Variants in ORM2 observed in about 807,000 individuals in gnomAD.
The protein encoded by ORM2 is orosomucoid 2.
ORM2 carries 19 observed loss-of-function variants against 26.8 expected under a neutral mutation model. That is an observed-to-expected ratio of 0.71 (90% CI 0.49 to 1.04). The LOEUF (loss-of-function observed/expected upper bound fraction) is 1.04. Among genes scored for constraint, ORM2 ranks in the 50% least tolerant of loss-of-function variants. The pLI is 0.00. For synonymous variants in ORM2, 94 were observed against 100.0 expected (o/e 0.94, Z 0.36); for missense variants, 259 against 244.9 (o/e 1.06, Z -0.39).
At position 114,329,910 on chromosome 9, in the gene ORM2, G is replaced by A. The variant is rs372635866; in HGVS notation, c.6G>A (p.Ala2=). 98 of 1,386,230 alleles carry A rather than the reference G, an allele frequency of 7.1e-5. 1 individual carries two copies. The highest frequency in any genetic ancestry group is 3.7e-4 in the East Asian group (15 of 41,054). The allele number at this position is 1,386,230 out of a possible 1,614,324, so 85.9% of individuals were successfully genotyped here. The change falls in exon 1 of 6, where the codon GCG becomes GCA. Residue 2 remains alanine, a synonymous_variant. Coordinates refer to ENST00000431067, the MANE Select transcript of ORM2 (RefSeq NM_000608.4). The stretch of plus-strand genomic sequence containing the variant: ...ACGTGCCTCCTGGTCTCAGTATGGC[G>A]CTGTCCTGGGTTCTTACAGTCCTGA... The part of the protein sequence containing the change: M[A]LSWVLTVLSL...
In ORM2 at chr9:114,331,582, A is replaced by T; in HGVS notation, c.344A>T (p.His115Leu). ...TVSRYEGGREHVAHLLFLRDT... is the reference protein window; with the variant it reads ...TVSRYEGGRELVAHLLFLRDT... ...TCTCTTCCAGAGGGAGGCCGAGAACATGTTGCTCACCTGCTGTTCCTTAGG... is the reference window on the plus strand; with the variant it reads ...TCTCTTCCAGAGGGAGGCCGAGAACTTGTTGCTCACCTGCTGTTCCTTAGG... The change falls in exon 4 of 6, where the codon CAT becomes CTT. Residue 115 changes from histidine (H) to leucine (L), a missense_variant. This residue lies in a region of ORM2 where 251 missense variants were observed against 220.5 expected (regional missense o/e 1.14). Transcript: ENST00000431067. 1.9e-6 allele frequency: 3 copies of T among 1,613,850 alleles called. No individual in the cohort carries two copies. The highest frequency in any genetic ancestry group is 1.7e-6 in the Non-Finnish European group (2 of 1,179,910).
In ORM2 at chr9:114,332,039, C is replaced by G. The variant is rs1035641403; in HGVS notation, c.540+110C>G. 93 of 876,108 alleles carry G rather than the reference C, an allele frequency of 1.1e-4. 1 individual carries two copies. In the Admixed American group the frequency reaches 2.1e-3, roughly 20 times the overall value. The allele number at this position is 876,108 out of a possible 1,614,324, so 54.3% of individuals were successfully genotyped here. A position where few individuals can be genotyped will look rare whatever the true frequency, so the allele number is the denominator to read the frequency against. ...GGCAAGGCTGCACAGCTAGGCAGAT[C>G]TTCTGCTTTTAGGCACCTGCCTCAC... is the stretch of plus-strand genomic sequence containing the variant. On this transcript the variant is annotated intron_variant, in intron 5 of 5. Coordinates refer to ENST00000431067, the MANE Select transcript of ORM2 (RefSeq NM_000608.4).
rs1296922172 is a variant in ORM2 at position 114,331,608 on chromosome 9, G to A, written c.370G>A (p.Asp124Asn). The A allele has an allele frequency of 1.2e-6, 2 of 1,613,872 alleles. No homozygotes were observed. The highest frequency in any genetic ancestry group is 2.2e-5 in the East Asian group (1 of 44,882). The change falls in exon 4 of 6, where the codon GAC becomes AAC. Residue 124 changes from aspartate to asparagine, a missense_variant. Coordinates refer to ENST00000431067, the MANE Select transcript of ORM2 (RefSeq NM_000608.4). ...EHVAHLLFLR[D>N]TKTLMFGSYL... is the part of the protein sequence containing the mutation. ...TGTTGCTCACCTGCTGTTCCTTAGG[G>A]ACACCAAGACCTTGATGTTTGGTTC... is the stretch of plus-strand genomic sequence containing the variant.
In ORM2 at chr9:114,331,867, T is replaced by G; in HGVS notation, c.478T>G (p.Tyr160Asp). 1.2e-6 allele frequency: 2 copies of G among 1,613,856 alleles called. No individual in the cohort carries two copies. The change falls in exon 5 of 6, where the codon TAC becomes GAC. Residue 160 changes from tyrosine to aspartate, a missense_variant. By Grantham distance (160) the Tyr-to-Asp change is radical (BLOSUM62 -3). Coordinates refer to ENST00000431067, the MANE Select transcript of ORM2 (RefSeq NM_000608.4). Reference sequence around the variant, plus strand: ...GACCAAGGAGCAACTGGGAGAGTTCTACGAAGCTCTCGACTGCTTGTGCAT... The same window carrying G: ...GACCAAGGAGCAACTGGGAGAGTTCGACGAAGCTCTCGACTGCTTGTGCAT... ...ETTKEQLGEF[Y>D]EALDCLCIPR... is the part of the protein sequence containing the mutation.
Position 114,330,844 on chromosome 9 carries a change from G to T in ORM2, c.310G>T (p.Gly104Trp). 6.2e-7 allele frequency: 1 copy of T among 1,613,932 alleles called. No individual in the cohort carries two copies. The highest frequency in any genetic ancestry group is 8.5e-7 in the Non-Finnish European group (1 of 1,179,944). ...TTACCTGAATGTCCAGCGGGAGAAT[G>T]GGACCGTCTCCAGATACGGTGAGGG... Reference protein sequence around the residue: ...SSYLNVQRENGTVSRYEGGRE... With the variant: ...SSYLNVQRENWTVSRYEGGRE... Residue 104 changes from glycine to tryptophan, a missense_variant, in exon 3 of 6, where the codon GGG becomes TGG. Around this residue, in one of 2 missense-constraint regions of ORM2, gnomAD observed 251 missense variants for 220.5 expected, o/e 1.14. Coordinates refer to ENST00000431067, the MANE Select transcript of ORM2 (RefSeq NM_000608.4).
chr9:114,330,762 GT>G, intron 2 of ORM2, 29 bp from the exon 3 acceptor site: 1 of 1,611,430 alleles, frequency 6.2e-7, no homozygotes, highest in Non-Finnish European at 8.5e-7. Context: ...TAACATTACT[GT>G]TTTTCTTCCG....
At position 114,331,623 on chromosome 9, in the gene ORM2, ATGTT is replaced by A. The variant is rs757628557; in HGVS notation, c.388_391del (p.Phe130ValfsTer?). 1.2e-6 allele frequency: 2 copies of A among 1,613,948 alleles called. No homozygotes were observed. The highest frequency in any genetic ancestry group is 2.2e-5 in the South Asian group (2 of 91,066). On this transcript the variant is annotated frameshift_variant, in exon 4 of 6. Transcript: ENST00000431067. LOFTEE classifies it high-confidence loss of function. ...GTTCCTTAGGGACACCAAGACCTTG[ATGTT>A]TGGTTCCTACCTGGACGATGAGAAG...
At chr9:114,330,731 C>T (rs1385668243) in intron 2 of ORM2, 61 bp from the exon 3 acceptor site, 51 of 1,596,370 alleles carry the variant, frequency 3.2e-5, no homozygotes, top group African/African-American at 1.9e-4. Flanking sequence ...CTGTGATGGG[C>T]GATTGGCCAC....
intron 2 of ORM2, 97 bp downstream of exon 2, chr9:114,330,673 G>A: frequency 2.5e-6 from 4 of 1,599,994 alleles, no homozygotes; most frequent in Non-Finnish European, 3.4e-6. Context: ...TCCCATGGGT[G>A]GAACCGGGAG....
chr9:114,330,538 G>A lies in ORM2; in HGVS notation c.219G>A (p.Lys73=), dbSNP rs771752640. The stretch of plus-strand genomic sequence containing the variant: ...CCTTCTTTTACTTTACCCCCAACAA[G>A]ACAGAGGACACGATCTTTCTCAGAG... The part of the protein sequence containing the change: ...QATFFYFTPN[K]TEDTIFLREY... The change falls in exon 2 of 6, where the codon AAG becomes AAA. Residue 73 remains lysine, a synonymous_variant. Coordinates refer to ENST00000431067, the MANE Select transcript of ORM2 (RefSeq NM_000608.4). The A allele has an allele frequency of 3.1e-6, 5 of 1,612,580 alleles. No individual in the cohort carries two copies. The Admixed American group carries it at 8.3e-5, about 27-fold the overall frequency.
rs546106064 is a variant in ORM2, at chr9:114,330,036, C to A, written c.114+18C>A. The A allele has an allele frequency of 9.2e-5, 148 of 1,602,988 alleles. 1 individual carries two copies. In the East Asian group the frequency reaches 2.1e-3, roughly 23 times the overall value. ...TGGACCGGGTGAGTGCCTGGGCTAGCCCTGTCCTGAGCACATGGGCAGCTG... is the reference window on the plus strand; with the variant it reads ...TGGACCGGGTGAGTGCCTGGGCTAGACCTGTCCTGAGCACATGGGCAGCTG... On this transcript the variant is annotated intron_variant, in intron 1 of 5. Coordinates refer to ENST00000431067, the MANE Select transcript of ORM2 (RefSeq NM_000608.4).
intron 3 of ORM2, among the ~76,000 whole-genome samples, chr9:114,331,189 GT>G (rs1829844421): frequency 6.6e-6 from 1 of 152,108 alleles, no homozygotes. Flanking sequence ...GTAGAAGCCT[GT>G]ATGTTGGAGA....
chr9:114,329,892 T>C lies in ORM2; in HGVS notation c.-13T>C. 1.6e-6 allele frequency: 2 copies of C among 1,267,374 alleles called. No individual in the cohort carries two copies. Among genetic ancestry groups the C allele is most frequent in the Non-Finnish European group, 2.1e-6 (2 of 952,500 alleles). The allele number at this position is 1,267,374 out of a possible 1,614,324, so 78.5% of individuals were successfully genotyped here. On this transcript the variant is annotated 5_prime_UTR_variant, in exon 1 of 6. Coordinates refer to ENST00000431067, the MANE Select transcript of ORM2 (RefSeq NM_000608.4). ...CCAGCACTGCCTGGCTCCACGTGCC[T>C]CCTGGTCTCAGTATGGCGCTGTCCT...
Position 114,330,490 on chromosome 9 carries a change from G to A in ORM2, c.171G>A (p.Lys57=). The change falls in exon 2 of 6, where the codon AAG becomes AAA. Residue 57 remains lysine, a synonymous_variant. Transcript: ENST00000431067. ...CCTTTCGAAACGAGGAGTACAATAA[G>A]TCGGTTCAGGAGATCCAAGCAACCT... ...ASAFRNEEYN[K]SVQEIQATFF... 2 of 1,611,458 alleles carry A rather than the reference G, an allele frequency of 1.2e-6. No individual in the cohort carries two copies. Among genetic ancestry groups the A allele is most frequent in the Non-Finnish European group, 1.7e-6 (2 of 1,179,716 alleles).
At chr9:114,331,736 C>A in intron 4 of ORM2, 62 bp downstream of exon 4, 3 of 1,583,518 alleles carry the variant, frequency 1.9e-6, no homozygotes, top group Middle Eastern at 1.7e-4. Flanking sequence ...CATTCACCCA[C>A]CCCTGGGCTG....
chr9:114,332,636 G>C (rs556575436), intron 5 of ORM2, among the ~76,000 whole-genome samples: 27 of 152,062 alleles, frequency 1.8e-4, no homozygotes, highest in Non-Finnish European at 2.9e-4. Flanking sequence ...AGGATCCTGG[G>C]ACAGGGCTTA....
rs757633576 is a variant in ORM2, at chr9:114,330,836, G to A, written c.302G>A (p.Arg101Gln). ...FYNSSYLNVQ[R>Q]ENGTVSRYEG... is the part of the protein sequence containing the mutation. ...AACTCCAGTTACCTGAATGTCCAGC[G>A]GGAGAATGGGACCGTCTCCAGATAC... Residue 101 changes from arginine to glutamine, a missense_variant, in exon 3 of 6, where the codon CGG becomes CAG. Transcript: ENST00000431067. 6 of 1,613,862 alleles carry A rather than the reference G, an allele frequency of 3.7e-6. No homozygotes were observed. Among genetic ancestry groups the A allele is most frequent in the Non-Finnish European group, 5.1e-6 (6 of 1,180,006 alleles).
rs939148531 is a variant in ORM2, at chr9:114,331,489, C to G, written c.329-78C>G. 3 of 1,206,180 alleles carry G rather than the reference C, an allele frequency of 2.5e-6. No individual in the cohort carries two copies. The Admixed American group carries it at 5.5e-5, about 22-fold the overall frequency. The allele number at this position is 1,206,180 out of a possible 1,614,324, so 74.7% of individuals were successfully genotyped here. ...GATGGGCTTTGTGGCCCCGGACACA[C>G]CTAGGACTCCTCACCTGTAAGACAG... is the stretch of plus-strand genomic sequence containing the variant. On this transcript the variant is annotated intron_variant, in intron 3 of 5. Transcript: ENST00000431067.
At chr9:114,332,745 TCA>T (rs1402017013) in intron 5 of ORM2, among the ~76,000 whole-genome samples, 1 of 152,170 alleles carries the variant, frequency 6.6e-6, no homozygotes, top group Non-Finnish European at 1.5e-5. Context: ...ACCCTGCTCC[TCA>T]GTTACATCAT....
Sources: allele counts gnomAD v4.1 joint callset (sites outside exome capture counted in the v4.1 genomes callset), GRCh38; gene constraint gnomAD v4.1.1; regional missense constraint gnomAD v4.1.1; transcripts MANE v1.5; gene names NCBI Gene and HGNC (gene_info 2026-07-23, HGNC 2026-07-21).